R3HDM2: variants seen among roughly 807,000 people sequenced by gnomAD.
R3HDM2 encodes the protein R3H domain containing 2.
A neutral mutation model predicts 124.5 loss-of-function variants in R3HDM2; 38 were observed. That is an observed-to-expected ratio of 0.31 (90% confidence interval 0.24 to 0.40). The LOEUF (loss-of-function observed/expected upper bound fraction) is 0.40. R3HDM2 is among the 10% of genes least tolerant of loss of function. R3HDM2 has a pLI of 1.00. For missense variants in R3HDM2, 869 were observed against 1,236.9 expected, an observed-to-expected ratio of 0.70 and a Z score of 4.46; for synonymous variants, 391 against 448.0, an observed-to-expected ratio of 0.87 and a Z score of 1.61.
chr12:57,383,331 T>A (rs1204279872), intron 2 of R3HDM2, among the ~76,000 whole-genome samples: 1 of 152,014 alleles, frequency 6.6e-6, no homozygotes, highest in Non-Finnish European at 1.5e-5. Context: ...TAAATAAAGG[T>A]TAGCTATTAT....
intron 2 of R3HDM2, among the ~76,000 whole-genome samples, chr12:57,356,093 C>T (rs905687880): frequency 1.3e-5 from 2 of 152,126 alleles, no homozygotes; most frequent in African/African-American, 4.8e-5. Flanking sequence ...CCAGAACCAT[C>T]AGTACTATGT....
At chr12:57,305,813 G>A (rs540511349) in intron 3 of R3HDM2, 12 of 393,882 alleles carry the variant, frequency 3.0e-5, no homozygotes, top group African/African-American at 1.8e-4. Flanking sequence ...TTGAGTGCCT[G>A]CTATGTGCAA....
intron 2 of R3HDM2, among the ~76,000 whole-genome samples, chr12:57,336,747 A>G (rs749589974): frequency 6.6e-6 from 1 of 151,918 alleles, no homozygotes. Flanking sequence ...AATAATATGT[A>G]TAACAAACCC....
chr12:57,337,053 T>C (rs1424900551), intron 2 of R3HDM2, among the ~76,000 whole-genome samples: 1 of 152,202 alleles, frequency 6.6e-6, no homozygotes, highest in African/African-American at 2.4e-5. Flanking sequence ...TGAGAAGCAA[T>C]AGACAGAATT....
At chr12:57,263,990 G>A (rs1256395275) in intron 19 of R3HDM2, among the ~76,000 whole-genome samples, 2 of 152,110 alleles carry the variant, frequency 1.3e-5, no homozygotes, top group South Asian at 2.1e-4. Context: ...ATGGTTGGAG[G>A]CTAAATTAAG....
rs147249025 is a variant in R3HDM2 at position 57,387,042 on chromosome 12, T to C, written c.-36+8707A>G. ...AGTGGGCTGCATATAGCTAATCTAG[T>C]GGGGACGTGGAGAACTTTTGTGTCT... On this transcript the variant is annotated intron_variant, in intron 2 of 23. Transcript: ENST00000402412. Among the ~76,000 whole-genome samples, 674 of 152,144 alleles carry C rather than the reference T, an allele frequency of 4.4e-3. 1 individual carries two copies. Among genetic ancestry groups the C allele is most frequent in the South Asian group, 7.9e-3 (38 of 4,820 alleles).
chr12:57,344,027 A>G (rs928726978), intron 2 of R3HDM2, among the ~76,000 whole-genome samples: 5 of 152,190 alleles, frequency 3.3e-5, no homozygotes, highest in Admixed American at 2.0e-4. Context: ...CCAGCACAAC[A>G]ATCACCTAGA....
intron 2 of R3HDM2, among the ~76,000 whole-genome samples, chr12:57,380,420 T>A (rs1281914292): frequency 6.6e-6 from 1 of 152,158 alleles, no homozygotes; most frequent in African/African-American, 2.4e-5. Flanking sequence ...GACAGAATGA[T>A]GGCTGGGAAA....
At chr12:57,424,211 T>C (rs969855983) in intron 1 of R3HDM2, among the ~76,000 whole-genome samples, 1 of 146,948 alleles carries the variant, frequency 6.8e-6, no homozygotes, top group Non-Finnish European at 1.5e-5. Flanking sequence ...CAGGCTGGAG[T>C]ACAGTGGCGT....
intron 11 of R3HDM2, among the ~76,000 whole-genome samples, chr12:57,289,485 G>A (rs2048137369): frequency 6.6e-6 from 1 of 152,184 alleles, no homozygotes; most frequent in African/African-American, 2.4e-5. Flanking sequence ...TTCCATTTCT[G>A]TCTCCTACAT....
chr12:57,303,138 A>G, intron 4 of R3HDM2, 38 bp downstream of exon 4: 1 of 1,457,982 alleles, frequency 6.9e-7, no homozygotes, highest in Non-Finnish European at 9.4e-7. Flanking sequence ...ATGTATTACT[A>G]ATAACATTAG....
At chr12:57,283,019 T>C (rs1014007670) in intron 13 of R3HDM2, among the ~76,000 whole-genome samples, 16 of 152,234 alleles carry the variant, frequency 1.1e-4, no homozygotes, top group African/African-American at 3.9e-4. Context: ...AGAGCTTTCA[T>C]GTGGAACATA....
Position 57,288,802 on chromosome 12 carries a change from C to T in R3HDM2, c.938+207G>A, listed in dbSNP as rs550663092. On this transcript the variant is annotated intron_variant, in intron 12 of 23. Transcript: ENST00000402412. ...ACCCACTCTGCTGAAAAGATTACAG[C>T]AAAACAAAATAAAATTAAAAATAAA... 27 of 1,449,178 alleles carry T rather than the reference C, an allele frequency of 1.9e-5. No individual in the cohort carries two copies. The South Asian group carries it at 3.1e-4, about 17-fold the overall frequency. 89.8% of individuals were successfully genotyped at this position (1,449,178 alleles called of 1,614,324 possible).
intron 13 of R3HDM2, 45 bp from the exon 14 acceptor site, chr12:57,280,575 C>A (rs766086513): frequency 1.3e-6 from 2 of 1,518,126 alleles, no homozygotes; most frequent in Non-Finnish European, 1.8e-6. Flanking sequence ...GCATAAGCCA[C>A]GAACACATTA....
intron 1 of R3HDM2, among the ~76,000 whole-genome samples, chr12:57,424,154 G>A (rs1322534158): frequency 7.2e-6 from 1 of 139,604 alleles, no homozygotes. Context: ...CAAAGAAACT[G>A]TAAGTGAACA....
Position 57,296,014 on chromosome 12 carries a change from C to T in R3HDM2, c.701+397G>A, listed in dbSNP as rs934134635. 1.3e-5 allele frequency among the ~76,000 whole-genome samples: 2 copies of T among 151,996 alleles called. No individual in the cohort carries two copies. Among genetic ancestry groups the T allele is most frequent in the South Asian group, 2.1e-4 (1 of 4,824 alleles). ...CCTCCCGAGTAGCTGGGATTACAGG[C>T]GCCTGCCACCGCGCCCGGCTAATTT... On this transcript the variant is annotated intron_variant, in intron 9 of 23. Transcript: ENST00000402412. The surrounding 1 kb of genome is among the most constrained non-coding windows in gnomAD (Gnocchi z 4.5).
At chr12:57,276,347 C>T (rs1338449798) in intron 14 of R3HDM2, among the ~76,000 whole-genome samples, 2 of 152,118 alleles carry the variant, frequency 1.3e-5, no homozygotes, top group African/African-American at 4.8e-5. Flanking sequence ...CAGCACGATT[C>T]ACAATTGCAA....
At chr12:57,304,340 G>T in intron 3 of R3HDM2, 1 of 186,622 alleles carries the variant, frequency 5.4e-6, no homozygotes, top group Non-Finnish European at 1.0e-5. Flanking sequence ...CTTCTGGGAA[G>T]AGGTTGGGTA....
chr12:57,414,597 G>A (rs953865145), intron 1 of R3HDM2, among the ~76,000 whole-genome samples: 1 of 150,334 alleles, frequency 6.7e-6, no homozygotes, highest in South Asian at 2.1e-4. Context: ...TTGGGAGGCC[G>A]AGGCAGAGAG....
Sources: gnomAD v4.1 joint callset for allele counts (sites outside exome capture counted in the v4.1 genomes callset) on GRCh38, gnomAD v4.1.1 for gene constraint, Gnocchi (gnomAD v3.1) non-coding constraint, MANE v1.5 for transcripts, NCBI Gene and HGNC (gene_info 2026-07-23, HGNC 2026-07-21) for gene names.